Variants in ARHGEF28 observed in about 807,000 individuals in gnomAD.
The protein encoded by ARHGEF28 is Rho guanine nucleotide exchange factor 28, also known as 190 kDa guanine nucleotide exchange factor.
ARHGEF28 carries 152 observed loss-of-function variants against 206.6 expected under a neutral mutation model. The ratio of observed to expected loss-of-function variants is 0.74; its 90% CI spans 0.64 to 0.84. The LOEUF is 0.84. Among genes scored for constraint, ARHGEF28 ranks in the 40% least tolerant of loss-of-function variants. The pLI is 0.00. For missense variants in ARHGEF28, 2,028 were observed against 2,073.2 expected (o/e 0.98, Z 0.42); for synonymous variants, 763 against 776.4 (o/e 0.98, Z 0.29).
intron 1 of ARHGEF28, among the ~76,000 whole-genome samples, chr5:73,675,723 ACT>A (rs1580469303): frequency 7.9e-6 from 1 of 126,858 alleles, no homozygotes. Flanking sequence ...ACAGAGCAAG[ACT>A]CTGTCTCAAA....
chr5:73,696,770 T>C (rs149278865), intron 2 of ARHGEF28, among the ~76,000 whole-genome samples: 59 of 152,360 alleles, frequency 3.9e-4, no homozygotes, highest in African/African-American at 1.4e-3. Flanking sequence ...ACATAATAAA[T>C]ATTTGTTGAA....
At chr5:73,729,813 T>A (rs1750498995) in intron 2 of ARHGEF28, among the ~76,000 whole-genome samples, 1 of 152,210 alleles carries the variant, frequency 6.6e-6, no homozygotes. Flanking sequence ...GAGTTTGTCT[T>A]TTTGGCGCCT....
chr5:73,880,159 A>C (rs932203323), intron 22 of ARHGEF28, among the ~76,000 whole-genome samples: 4 of 152,102 alleles, frequency 2.6e-5, no homozygotes, highest in Non-Finnish European at 4.4e-5. Flanking sequence ...GCCTCGCTGC[A>C]GACTTGCAGT....
chr5:73,865,190 G>A (rs1297500832), intron 17 of ARHGEF28, among the ~76,000 whole-genome samples: 1 of 152,190 alleles, frequency 6.6e-6, no homozygotes, highest in Middle Eastern at 3.2e-3. Flanking sequence ...ATGTCTGCAA[G>A]CCTCACAGTC....
intron 20 of ARHGEF28, 64 bp from the exon 21 acceptor site, chr5:73,870,005 A>G: frequency 6.4e-7 from 1 of 1,553,134 alleles, no homozygotes; most frequent in Non-Finnish European, 8.7e-7. Context: ...ATAGACAAAT[A>G]TACGAAGGTA....
intron 2 of ARHGEF28, among the ~76,000 whole-genome samples, chr5:73,734,030 G>C (rs1165394996): frequency 6.6e-6 from 1 of 152,090 alleles, no homozygotes; most frequent in Non-Finnish European, 1.5e-5. Flanking sequence ...AGCACCAAAA[G>C]GATGGTGCTA....
intron 21 of ARHGEF28, among the ~76,000 whole-genome samples, chr5:73,872,006 T>C (rs1013680103): frequency 5.9e-5 from 9 of 152,188 alleles, no homozygotes; most frequent in Non-Finnish European, 7.4e-5. Flanking sequence ...ATTTTGGGTT[T>C]TTCCACTTTT....
chr5:73,754,895 A>G lies in ARHGEF28; in HGVS notation c.475+1693A>G, dbSNP rs906606525. The stretch of plus-strand genomic sequence containing the variant: ...TTTTATTTTTATTTTTATTTTATTT[A>G]TTTATTTATTTATTTTTTTAGAGAC... On this transcript the variant is annotated intron_variant, in intron 4 of 35. Transcript: ENST00000513042. Among the ~76,000 whole-genome samples the G allele has an allele frequency of 1.9e-4, 29 of 150,784 alleles. 1 individual carries two copies. The East Asian group carries it at 2.7e-3, about 14-fold the overall frequency.
intron 8 of ARHGEF28, 91 bp downstream of exon 8, chr5:73,794,545 T>TAA (rs144455294): frequency 9.7e-7 from 1 of 1,035,428 alleles, no homozygotes; most frequent in Non-Finnish European, 1.4e-6. Context: ...TAAAAAACAC[T>TAA]AAAAAAAGGA....
At chr5:73,846,560 T>A in intron 12 of ARHGEF28, 85 bp downstream of exon 12, 3 of 1,276,040 alleles carry the variant, frequency 2.4e-6, no homozygotes, top group Non-Finnish European at 3.2e-6. Flanking sequence ...GAAAGACATA[T>A]TATATTTTAT....
chr5:73,660,374 T>C (rs1205325199), intron 1 of ARHGEF28, among the ~76,000 whole-genome samples: 2 of 152,302 alleles, frequency 1.3e-5, no homozygotes, highest in East Asian at 3.9e-4. Flanking sequence ...CAGTAGTTAT[T>C]TCCTTCACTG....
chr5:73,928,813 C>T (rs1311037298), intron 35 of ARHGEF28, among the ~76,000 whole-genome samples: 2 of 152,168 alleles, frequency 1.3e-5, no homozygotes, highest in Non-Finnish European at 2.9e-5. Flanking sequence ...ACTTAGAAGT[C>T]CCTGGTCTCT....
intron 9 of ARHGEF28, among the ~76,000 whole-genome samples, chr5:73,820,804 C>T (rs1418199431): frequency 6.6e-6 from 1 of 152,166 alleles, no homozygotes; most frequent in African/African-American, 2.4e-5. Flanking sequence ...ATCCCATTCT[C>T]ACCATGCAGG....
At chr5:73,675,732 C>CAA (rs35836692) in intron 1 of ARHGEF28, among the ~76,000 whole-genome samples, 1,605 of 48,830 alleles carry the variant, frequency 0.033, 65 homozygotes, top group African/African-American at 0.064. Flanking sequence ...GACTCTGTCT[C>CAA]AAAAAAAAAA....
At chr5:73,758,382 A>G (rs1352368006) in intron 4 of ARHGEF28, among the ~76,000 whole-genome samples, 2 of 152,336 alleles carry the variant, frequency 1.3e-5, no homozygotes, top group South Asian at 2.1e-4. Flanking sequence ...ATTTTTTGCC[A>G]GAGTAAATTA....
intron 2 of ARHGEF28, among the ~76,000 whole-genome samples, chr5:73,709,400 T>C (rs1403267415): frequency 1.3e-5 from 2 of 152,190 alleles, no homozygotes; most frequent in African/African-American, 4.8e-5. Flanking sequence ...TTCCTTCCTA[T>C]AGTTTTGCCT....
intron 3 of ARHGEF28, 85 bp from the exon 4 acceptor site, chr5:73,752,824 C>G (rs1288865282): frequency 2.7e-6 from 4 of 1,477,794 alleles, no homozygotes; most frequent in Non-Finnish European, 3.7e-6. Flanking sequence ...TCTGCTTAAG[C>G]TATGTGGTGG....
intron 35 of ARHGEF28, among the ~76,000 whole-genome samples, chr5:73,932,904 G>A (rs1764211885): frequency 6.8e-6 from 1 of 146,142 alleles, no homozygotes; most frequent in African/African-American, 2.6e-5. Flanking sequence ...CGCCTCCCGG[G>A]TTCACGCCAT....
At chr5:73,843,740 G>C (rs1758130274) in intron 11 of ARHGEF28, among the ~76,000 whole-genome samples, 1 of 152,194 alleles carries the variant, frequency 6.6e-6, no homozygotes, top group South Asian at 2.1e-4. Flanking sequence ...TGTAATAACT[G>C]TTTTGAGAAG....
Sources: allele counts gnomAD v4.1 joint callset (sites outside exome capture counted in the v4.1 genomes callset), GRCh38; gene constraint gnomAD v4.1.1; transcripts MANE v1.5; gene names NCBI Gene and HGNC (gene_info 2026-07-23, HGNC 2026-07-21).